CFAP92: variants seen among roughly 807,000 people sequenced by gnomAD.
CFAP92 encodes the protein cilia and flagella associated protein 92 (putative), also known as uncharacterized protein CFAP92.
In CFAP92, 86 loss-of-function variants were observed where a neutral mutation model predicts 106.3. The ratio of observed to expected loss-of-function variants is 0.81; its 90% CI spans 0.68 to 0.97. The LOEUF (loss-of-function observed/expected upper bound fraction) is 0.97. CFAP92 is among the 50% of genes least tolerant of loss of function. The probability of loss-of-function intolerance (pLI) is 0.00; values close to 1 mark genes in which losing one functional copy is unlikely to be tolerated. For missense variants in CFAP92, 1,204 were observed against 1,283.8 expected (o/e 0.94, Z 0.95); for synonymous variants, 477 against 506.4 (o/e 0.94, Z 0.78).
chr3:128,953,425 G>C (rs916009810), intron 9 of CFAP92, among the ~76,000 whole-genome samples: 1 of 152,128 alleles, frequency 6.6e-6, no homozygotes, highest in Admixed American at 6.5e-5. Context: ...TGAGGGAGGA[G>C]AATGGCATGA....
chr3:128,953,241 C>A (rs915973474), intron 9 of CFAP92, among the ~76,000 whole-genome samples: 2 of 150,652 alleles, frequency 1.3e-5, no homozygotes, highest in South Asian at 2.1e-4. Flanking sequence ...CTGGGCCGGG[C>A]GCGGTGGCTC....
At chr3:128,992,774 GTTT>G (rs530761006) in intron 2 of CFAP92, among the ~76,000 whole-genome samples, 1 of 151,034 alleles carries the variant, frequency 6.6e-6, no homozygotes, top group Non-Finnish European at 1.5e-5. Flanking sequence ...CCTCTCCATG[GTTT>G]TTTTTTCTTC....
intron 12 of CFAP92, among the ~76,000 whole-genome samples, chr3:128,922,405 A>G (rs1190515781): frequency 6.6e-6 from 1 of 152,182 alleles, no homozygotes; most frequent in African/African-American, 2.4e-5. Flanking sequence ...TCCCCAGGAG[A>G]AAGAATTGCT....
At chr3:129,022,979 T>C in the CFAP92 span, among the ~76,000 whole-genome samples, 1 of 152,198 alleles carries the variant, frequency 6.6e-6, no homozygotes, top group Non-Finnish European at 1.5e-5. Flanking sequence ...TAGCCTCTCT[T>C]GAATGGACAG....
At position 128,993,030 on chromosome 3, in the gene CFAP92, C is replaced by T. The variant is rs1242224470; in HGVS notation, c.262+13G>A. The T allele has an allele frequency of 6.2e-7, 1 of 1,613,976 alleles. No individual in the cohort carries two copies. The highest frequency in any genetic ancestry group is 1.1e-5 in the South Asian group (1 of 91,084). On this transcript the variant is annotated intron_variant, in intron 2 of 15. Transcript: ENST00000645291. ...TTTTTCAGAGGGTGTTAAACTTCTG[C>T]TCTAGCACCTACCCATATTCACAGG...
At chr3:129,002,418 A>T in intron 1 of CFAP92, 2 of 1,425,180 alleles carry the variant, frequency 1.4e-6, no homozygotes, top group Admixed American at 5.5e-5. Context: ...ACAGAGTCAG[A>T]GGAAGGGGAG....
intron 10 of CFAP92, 97 bp from the exon 11 acceptor site, chr3:128,935,416 A>G: frequency 1.2e-6 from 1 of 806,522 alleles, no homozygotes; most frequent in Non-Finnish European, 1.8e-6. Flanking sequence ...ATGTTATTTA[A>G]AAACAAACCC....
intron 15 of CFAP92, chr3:128,910,963 T>TA: frequency 1.1e-6 from 1 of 950,374 alleles, no homozygotes; most frequent in South Asian, 1.3e-5. Flanking sequence ...GGCCTGGGCT[T>TA]AGCTGCAGCA....
upstream of CFAP92, among the ~76,000 whole-genome samples, chr3:129,007,215 G>A (rs1422355433): frequency 1.3e-5 from 2 of 152,206 alleles, no homozygotes; most frequent in Admixed American, 6.5e-5. Context: ...TGGCTGGGGA[G>A]GGACTGTAGG....
chr3:129,014,270 G>A, the CFAP92 span, among the ~76,000 whole-genome samples: 2 of 152,336 alleles, frequency 1.3e-5, no homozygotes, highest in Admixed American at 1.3e-4. This position sits in a 1 kb window ranked among gnomAD's most constrained non-coding sequence, Gnocchi z 4.3. Context: ...GGTGGACGAG[G>A]GGAGGGTCAG....
rs188209733 is a variant in CFAP92, at chr3:128,948,711, G to A, written c.1354-2736C>T. On this transcript the variant is annotated intron_variant, in intron 9 of 15. Coordinates refer to ENST00000645291, the MANE Select transcript of CFAP92 (RefSeq NM_001394090.1). ...GGCCTGGCTAATTTTTGTGTTTTTA[G>A]AAGAGATGGGGTTTCACCATGTTGG... 7.9e-5 allele frequency among the ~76,000 whole-genome samples: 12 copies of A among 151,024 alleles called. No homozygotes were observed. In the East Asian group the frequency reaches 2.2e-3, roughly 27 times the overall value.
intron 10 of CFAP92, among the ~76,000 whole-genome samples, chr3:128,944,829 G>A (rs1231398039): frequency 2.0e-5 from 3 of 152,122 alleles, no homozygotes; most frequent in Non-Finnish European, 4.4e-5. Flanking sequence ...GAACCCTGAA[G>A]ACAGGCCCCA....
chr3:129,007,625 T>C (rs899974130), upstream of CFAP92, among the ~76,000 whole-genome samples: 1 of 152,240 alleles, frequency 6.6e-6, no homozygotes, highest in African/African-American at 2.4e-5. Context: ...TTATGTCGGA[T>C]GTTTCAAATA....
intron 4 of CFAP92, among the ~76,000 whole-genome samples, chr3:128,980,665 T>C (rs893473268): frequency 1.3e-5 from 2 of 152,182 alleles, no homozygotes; most frequent in African/African-American, 4.8e-5. Flanking sequence ...GTGTGTACTA[T>C]TCTAAATCCT....
intron 12 of CFAP92, among the ~76,000 whole-genome samples, chr3:128,917,849 G>GA (rs2107680745): frequency 6.6e-6 from 1 of 152,192 alleles, no homozygotes; most frequent in East Asian, 1.9e-4. Context: ...ATAGAGGATG[G>GA]AAATAACATC....
intron 7 of CFAP92, among the ~76,000 whole-genome samples, chr3:128,972,181 A>G (rs1352830094): frequency 6.6e-6 from 1 of 152,240 alleles, no homozygotes; most frequent in East Asian, 1.9e-4. Context: ...GTATAAAACA[A>G]AAACTTTAAA....
chr3:128,939,734 G>A (rs1197443711), intron 10 of CFAP92, among the ~76,000 whole-genome samples: 1 of 152,154 alleles, frequency 6.6e-6, no homozygotes, highest in African/African-American at 2.4e-5. Flanking sequence ...CCACGGACGG[G>A]GTTGGGAGGA....
At chr3:129,021,551 G>A in the CFAP92 span, among the ~76,000 whole-genome samples, 2 of 152,282 alleles carry the variant, frequency 1.3e-5, no homozygotes, top group Middle Eastern at 3.4e-3. Context: ...TCCAGCCTGG[G>A]CAACAAGATT....
rs1475623856 is a variant in CFAP92, at chr3:128,935,381, G to A, written c.2259-62C>T. 4.2e-6 allele frequency: 5 copies of A among 1,179,134 alleles called. No individual in the cohort carries two copies. The Admixed American group carries it at 1.3e-4, about 30-fold the overall frequency. 73.0% of individuals were successfully genotyped at this position (1,179,134 alleles called of 1,614,324 possible). The stretch of plus-strand genomic sequence containing the variant: ...GCAGCTTCCTGGGACACCGTGGTGA[G>A]GGTGCGCTGTCAGGTACAGCTTTTA... On this transcript the variant is annotated intron_variant, in intron 10 of 15. Transcript: ENST00000645291.
Sources: allele counts gnomAD v4.1 joint callset (sites outside exome capture counted in the v4.1 genomes callset), GRCh38; gene constraint gnomAD v4.1.1; non-coding constraint Gnocchi (gnomAD v3.1); transcripts MANE v1.5; gene names NCBI Gene and HGNC (gene_info 2026-07-23, HGNC 2026-07-21).